Variants in SRMS observed in about 807,000 individuals in gnomAD.
SRMS encodes tyrosine-protein kinase Srms.
SRMS carries 42 observed loss-of-function variants against 43.5 expected under a neutral mutation model. The observed-to-expected ratio is 0.97, with a 90% CI of 0.75 to 1.25. The LOEUF is 1.25. SRMS is among the 50% of genes most tolerant of loss of function. The pLI is 0.00. For missense variants in SRMS, 703 were observed against 681.0 expected (o/e 1.03, Z -0.36); for synonymous variants, 316 against 308.2 (o/e 1.03, Z -0.27).
chr20:63,540,772 A>G lies in SRMS; in HGVS notation c.*46T>C, dbSNP rs183438778. ...TTCGAGTTGGCGCTCTGCAGGGAGG[A>G]GGGGCTGGCCTGGCTGGAGCCCAGA... On this transcript the variant is annotated 3_prime_UTR_variant, in exon 8 of 8. Coordinates refer to ENST00000217188, the MANE Select transcript of SRMS (RefSeq NM_080823.4). 28 of 1,544,326 alleles carry G rather than the reference A, an allele frequency of 1.8e-5. No homozygotes were observed. The East Asian group carries it at 5.5e-4, about 30-fold the overall frequency.
chr20:63,547,272 C>A lies in SRMS; in HGVS notation c.192G>T (p.Ala64=), dbSNP rs140773907. ...QLFLALYDFT[A]RCGGELSVRR... Reference sequence around the variant, plus strand: ...GGACACTCAGCTCCCCGCCACACCGCGCCGTGAAGTCATAGAGCGCAAGGA... The same window carrying A: ...GGACACTCAGCTCCCCGCCACACCGAGCCGTGAAGTCATAGAGCGCAAGGA... The change falls in exon 1 of 8, where the codon GCG becomes GCT. Residue 64 remains alanine (A), a synonymous_variant. Transcript: ENST00000217188. 2 of 1,610,174 alleles carry A rather than the reference C, an allele frequency of 1.2e-6. No individual in the cohort carries two copies. Among genetic ancestry groups the A allele is most frequent in the Admixed American group, 3.3e-5 (2 of 59,756 alleles).
At position 63,541,469 on chromosome 20, in the gene SRMS, C is replaced by T. The variant is rs1600944347; in HGVS notation, c.1098G>A (p.Val366=). 1 of 1,606,944 alleles carries T rather than the reference C, an allele frequency of 6.2e-7. No homozygotes were observed. The highest frequency in any genetic ancestry group is 1.7e-5 in the Admixed American group (1 of 59,818). ...GCAGCCGGGCCAGGCCGAAGTCAGC[C>T]ACCTTGCAGGCCAGGCCGTCGTCCA... The part of the protein sequence containing the change: ...VLVDDGLACK[V]ADFGLARLLK... Residue 366 remains valine (V), a synonymous_variant, in exon 6 of 8, where the codon GTG becomes GTA. Coordinates refer to ENST00000217188, the MANE Select transcript of SRMS (RefSeq NM_080823.4).
At chr20:63,543,754 GTGAA>G (rs2082716625) in intron 2 of SRMS, 3 of 428,086 alleles carry the variant, frequency 7.0e-6, no homozygotes, top group Non-Finnish European at 1.2e-5. Context: ...CCATGAGTCA[GTGAA>G]TGAATGAAGG....
chr20:63,540,039 C>T lies in SRMS; in HGVS notation c.*779G>A, dbSNP rs1291538756. Among the ~76,000 whole-genome samples, 2 of 152,232 alleles carry T rather than the reference C, an allele frequency of 1.3e-5. No individual in the cohort carries two copies. The highest frequency in any genetic ancestry group is 1.3e-4 in the Admixed American group (2 of 15,288). On this transcript the variant is annotated 3_prime_UTR_variant, in exon 8 of 8. Coordinates refer to ENST00000217188, the MANE Select transcript of SRMS (RefSeq NM_080823.4). ...GGTCCGGGCGGCATGGGGGCCGCTC[C>T]AACCTGCATTTTCTAGCCACGTGGA...
chr20:63,545,597 C>T (rs2082726877), intron 1 of SRMS, among the ~76,000 whole-genome samples: 1 of 152,224 alleles, frequency 6.6e-6, no homozygotes, highest in Admixed American at 6.5e-5. Context: ...CCCCGGTGAC[C>T]TAGGGGGCAA....
At position 63,538,722 on chromosome 20, in the gene SRMS, G is replaced by T. The variant is rs1240871261; in HGVS notation, c.*2096C>A. ...TTGGGGAGGATGCAGGGGGAGGGGT[G>T]GGGGGTGGGGAATGCGGAAGGAGGG... is the stretch of plus-strand genomic sequence containing the variant. On this transcript the variant is annotated 3_prime_UTR_variant, in exon 8 of 8. Coordinates refer to ENST00000217188, the MANE Select transcript of SRMS (RefSeq NM_080823.4). Among the ~76,000 whole-genome samples the T allele has an allele frequency of 7.2e-6, 1 of 139,640 alleles. No homozygotes were observed. Among genetic ancestry groups the T allele is most frequent in the Non-Finnish European group, 1.6e-5 (1 of 63,360 alleles). 91.6% of individuals were successfully genotyped at this position (139,640 alleles called of 152,430 possible).
Position 63,547,684 on chromosome 20 carries a change from C to T in SRMS, c.-221G>A, listed in dbSNP as rs903954625. Among the ~76,000 whole-genome samples, 2 of 152,206 alleles carry T rather than the reference C, an allele frequency of 1.3e-5. No homozygotes were observed. Among genetic ancestry groups the T allele is most frequent in the African/African-American group, 2.4e-5 (1 of 41,458 alleles). ...CGTTGGGGCTGGGTGGGGCGCAGGG[C>T]GGACCCCCTGCCTCAGGCACACCGA... On this transcript the variant is annotated 5_prime_UTR_variant, in exon 1 of 8. Coordinates refer to ENST00000217188, the MANE Select transcript of SRMS (RefSeq NM_080823.4).
At chr20:63,546,953 G>A (rs941840862) in intron 1 of SRMS, among the ~76,000 whole-genome samples, 155 bp downstream of exon 1, 4 of 152,218 alleles carry the variant, frequency 2.6e-5, no homozygotes, top group Admixed American at 6.5e-5. Flanking sequence ...CTGCCGGCCC[G>A]GGGCCCATCA....
chr20:63,544,500 CT>C, intron 1 of SRMS, 152 bp from the exon 2 acceptor site: 1 of 1,035,722 alleles, frequency 9.7e-7, no homozygotes, highest in Non-Finnish European at 1.3e-6. Flanking sequence ...AGCTCAAGGT[CT>C]GCACTGCCTC....
At position 63,542,262 on chromosome 20, in the gene SRMS, C is replaced by G. The variant is rs762898367; in HGVS notation, c.847G>C (p.Glu283Gln). The stretch of plus-strand genomic sequence containing the variant: ...ACTGCGTGCAGCCGGATGAGCCGCT[C>G]GTGCCGCAGGCCCTTCAGTGTCTGG... ...EIQTLKGLRH[E>Q]RLIRLHAVCS... The change falls in exon 5 of 8, where the codon GAG becomes CAG. Residue 283 changes from glutamate to glutamine, a missense_variant. Transcript: ENST00000217188. The G allele has an allele frequency of 3.7e-6, 6 of 1,612,668 alleles. No homozygotes were observed. Among genetic ancestry groups the G allele is most frequent in the Non-Finnish European group, 5.1e-6 (6 of 1,179,726 alleles).
At chr20:63,541,770 C>A in intron 5 of SRMS, 150 bp from the exon 6 acceptor site, 1 of 1,043,126 alleles carries the variant, frequency 9.6e-7, no homozygotes, top group Non-Finnish European at 1.3e-6. Context: ...CGGGAAGCCC[C>A]AAGTGAGACA....
intron 3 of SRMS, among the ~76,000 whole-genome samples, chr20:63,542,842 C>T (rs1004729691): frequency 1.3e-5 from 2 of 152,184 alleles, no homozygotes; most frequent in East Asian, 1.9e-4. Context: ...CCCCTGGCCG[C>T]GCTGTCATTA....
rs1325880136 is a variant in SRMS, at chr20:63,539,290, C to T, written c.*1528G>A. On this transcript the variant is annotated 3_prime_UTR_variant, in exon 8 of 8. Coordinates refer to ENST00000217188, the MANE Select transcript of SRMS (RefSeq NM_080823.4). ...CGATGCACGGGCCCCAGGAAGCCCC[C>T]GCGCTGCCTCCGTTCTCGGAGCCTC... 1.3e-5 allele frequency among the ~76,000 whole-genome samples: 2 copies of T among 152,220 alleles called. No individual in the cohort carries two copies. Among genetic ancestry groups the T allele is most frequent in the Admixed American group, 6.5e-5 (1 of 15,292 alleles).
chr20:63,541,611 C>G lies in SRMS; in HGVS notation c.956G>C (p.Gly319Ala). 6.5e-7 allele frequency: 1 copy of G among 1,546,524 alleles called. No individual in the cohort carries two copies. Residue 319 changes from glycine (G) to alanine (A), a missense_variant, in exon 6 of 8, where the codon GGC becomes GCC. Gly to Ala is a moderately conservative substitution (Grantham distance 60). Coordinates refer to ENST00000217188, the MANE Select transcript of SRMS (RefSeq NM_080823.4). Reference sequence around the variant, plus strand: ...GAGTGGCGGCAGACGCAGGGCCCGGCCCTCGGGGGCTGCAGGAGACAGCGC... The same window carrying G: ...GAGTGGCGGCAGACGCAGGGCCCGGGCCTCGGGGGCTGCAGGAGACAGCGC... ...NLQAFLGTPE[G>A]RALRLPPLLG...
intron 1 of SRMS, 36 bp downstream of exon 1, chr20:63,547,072 C>T (rs367981): frequency 0.039 from 58,466 of 1,485,124 alleles, 4,997 homozygotes; most frequent in African/African-American, 0.36. Flanking sequence ...CAGCTGGGGG[C>T]GAGGCAGGCT....
chr20:63,544,346 C>G lies in SRMS; in HGVS notation c.359G>C (p.Trp120Ser). 1 of 1,467,218 alleles carries G rather than the reference C, an allele frequency of 6.8e-7. No homozygotes were observed. The highest frequency in any genetic ancestry group is 2.9e-5 in the East Asian group (1 of 34,784). The allele number at this position is 1,467,218 out of a possible 1,614,324, so 90.9% of individuals were successfully genotyped here. ...GGTCCGACTGACCCCGCTAAAGTACCAGCTGCAAACAGCAGGTGCGGCAGT... is the reference window on the plus strand; with the variant it reads ...GGTCCGACTGACCCCGCTAAAGTACGAGCTGCAAACAGCAGGTGCGGCAGT... ...ASPETLSDQP[W>S]YFSGVSRTQA... The change falls in exon 2 of 8, where the codon TGG becomes TCG. Residue 120 changes from tryptophan to serine, a missense_variant and splice_region_variant. Coordinates refer to ENST00000217188, the MANE Select transcript of SRMS (RefSeq NM_080823.4).
intron 1 of SRMS, 143 bp from the exon 2 acceptor site, chr20:63,544,491 G>C: frequency 9.1e-7 from 1 of 1,104,346 alleles, no homozygotes; most frequent in Non-Finnish European, 1.2e-6. Flanking sequence ...TTGAGTCCCA[G>C]CTCAAGGTCT....
chr20:63,543,276 G>C (rs373711992), intron 3 of SRMS, 38 bp downstream of exon 3: 1 of 1,604,692 alleles, frequency 6.2e-7, no homozygotes, highest in South Asian at 1.1e-5. Context: ...GCCATGCCTC[G>C]GGCCCAGCAT....
rs310654 is a variant in SRMS at position 63,540,916 on chromosome 20, C to A, written c.1369G>T (p.Val457Leu). ...CTCCTCCAGCACTCCAGCATGAGCA[C>A]GTAGACCTCCGCCGGGCAGGCAGCC... is the stretch of plus-strand genomic sequence containing the variant. ...RPAACPAEVY[V>L]LMLECWRSSP... The change falls in exon 8 of 8, where the codon GTG (valine) becomes TTG (leucine). Residue 457 changes from valine to leucine, a missense_variant. Val to Leu is a conservative substitution (Grantham distance 32, BLOSUM62 1). Transcript: ENST00000217188. The A allele has an allele frequency of 0.066, 105,405 of 1,606,304 alleles. 8,684 individuals carry two copies. Among genetic ancestry groups the A allele is most frequent in the African/African-American group, 0.42 (31,326 of 74,924 alleles).
Sources: allele counts gnomAD v4.1 joint callset (sites outside exome capture counted in the v4.1 genomes callset), GRCh38; gene constraint gnomAD v4.1.1; transcripts MANE v1.5; gene names NCBI Gene and HGNC (gene_info 2026-07-23, HGNC 2026-07-21).